Variants in QPCTL observed in about 807,000 individuals in gnomAD.
QPCTL encodes glutaminyl-peptide cyclotransferase like.
A neutral mutation model predicts 34.6 loss-of-function variants in QPCTL; 31 were observed. That is an observed-to-expected ratio of 0.90 (90% CI 0.67 to 1.21). QPCTL has a LOEUF of 1.21. Ranked by LOEUF, QPCTL falls within the 50% of genes most tolerant of loss-of-function variation. The pLI is 0.00. For missense variants in QPCTL, 474 were observed against 507.8 expected (o/e 0.93, Z 0.64); for synonymous variants, 223 against 226.9 (o/e 0.98, Z 0.15).
intron 5 of QPCTL, among the ~76,000 whole-genome samples, chr19:45,701,332 G>A (rs1967808064): frequency 6.6e-6 from 1 of 151,194 alleles, no homozygotes; most frequent in South Asian, 2.1e-4. Flanking sequence ...CTGGAGTGCA[G>A]TGGTGCAATC....
chr19:45,695,623 C>T lies in QPCTL; in HGVS notation c.538C>T (p.Pro180Ser). The change falls in exon 3 of 7, where the codon CCC (proline) becomes TCC (serine). Residue 180 changes from proline (P) to serine (S), a missense_variant. Physicochemically the swap from Pro to Ser is moderately conservative, Grantham distance 74. Coordinates refer to ENST00000012049, the MANE Select transcript of QPCTL (RefSeq NM_017659.4). ...GAAGCTCTTCCCACCCGGATCGACC[C>T]CCTTTGTAGGGGCCACGGATTCGGC... ...DSKLFPPGST[P>S]FVGATDSAVP... 1 of 1,614,080 alleles carries T rather than the reference C, an allele frequency of 6.2e-7. No individual in the cohort carries two copies. The highest frequency in any genetic ancestry group is 2.2e-5 in the East Asian group (1 of 44,866).
chr19:45,698,759 T>C (rs1231941435), intron 4 of QPCTL, 42 bp from the exon 5 acceptor site: 1 of 1,613,280 alleles, frequency 6.2e-7, no homozygotes, highest in Non-Finnish European at 8.5e-7. Context: ...AGGGCTGGCG[T>C]CATCCTGCAC....
chr19:45,698,449 T>C, intron 3 of QPCTL, 98 bp from the exon 4 acceptor site: 3 of 1,428,556 alleles, frequency 2.1e-6, no homozygotes, highest in South Asian at 1.3e-5. Flanking sequence ...ACACCTTATG[T>C]GTTCTCTTAA....
At chr19:45,701,157 C>A (rs2065294060) in intron 5 of QPCTL, among the ~76,000 whole-genome samples, 1 of 151,970 alleles carries the variant, frequency 6.6e-6, no homozygotes, top group Admixed American at 6.6e-5. Context: ...TGGGGGCATG[C>A]GCCTGAAGTC....
rs770853344 is a variant in QPCTL at position 45,692,829 on chromosome 19, G to A, written c.126G>A (p.Leu42=). The change falls in exon 1 of 7, where the codon CTG becomes CTA. Residue 42 remains leucine (L), a synonymous_variant. Transcript: ENST00000012049. ...GGCTCTTGCCTCTGTTGCTGGCGCT[G>A]GCCGTGGGCTCGGCGTTCTACACCA... The part of the protein sequence containing the change: ...RVRLLPLLLA[L]AVGSAFYTIW... 1 of 1,564,616 alleles carries A rather than the reference G, an allele frequency of 6.4e-7. No individual in the cohort carries two copies.
intron 5 of QPCTL, 131 bp downstream of exon 5, chr19:45,699,031 C>A: frequency 1.7e-4 from 55 of 331,800 alleles, no homozygotes; most frequent in Middle Eastern, 1.0e-3. Flanking sequence ...GAGACCCCAT[C>A]TTTTTTTTTT....
intron 5 of QPCTL, among the ~76,000 whole-genome samples, chr19:45,699,331 ACCC>A (rs1364229913): frequency 1.3e-5 from 2 of 149,962 alleles, no homozygotes; most frequent in African/African-American, 4.9e-5. Flanking sequence ...GTGCCTGGTG[ACCC>A]CATCTCTTAA....
chr19:45,701,094 TC>T (rs1482479561), intron 5 of QPCTL, among the ~76,000 whole-genome samples: 1 of 145,090 alleles, frequency 6.9e-6, no homozygotes, highest in African/African-American at 2.6e-5. Context: ...CACAGGAAGA[TC>T]CCATTTCTAC....
chr19:45,695,591 A>T lies in QPCTL; in HGVS notation c.506A>T (p.Tyr169Phe), dbSNP rs1039203783. The change falls in exon 3 of 7, where the codon TAT becomes TTT. Residue 169 changes from tyrosine (Y) to phenylalanine (F), a missense_variant. Transcript: ENST00000012049. ...CGTCACCTCACCCTTGCCTGCCATT[A>T]TGACTCGAAGCTCTTCCCACCCGGA... The part of the protein sequence containing the change: ...AARHLTLACH[Y>F]DSKLFPPGST... The T allele has an allele frequency of 3.7e-6, 6 of 1,613,902 alleles. No individual in the cohort carries two copies. The highest frequency in any genetic ancestry group is 5.1e-6 in the Non-Finnish European group (6 of 1,179,996).
intron 2 of QPCTL, among the ~76,000 whole-genome samples, chr19:45,694,497 G>A (rs1486375166): frequency 1.3e-5 from 2 of 148,196 alleles, no homozygotes; most frequent in African/African-American, 4.9e-5. Context: ...TTGAGATGGA[G>A]TCTCACACTG....
At position 45,703,979 on chromosome 19, in the gene QPCTL, T is replaced by A; in HGVS notation, c.*930T>A. 6.6e-6 allele frequency: 1 copy of A among 151,576 alleles called. No individual in the cohort carries two copies. The highest frequency in any genetic ancestry group is 1.5e-5 in the Non-Finnish European group (1 of 67,928). 9.4% of individuals were successfully genotyped at this position (151,576 alleles called of 1,614,324 possible). On this transcript the variant is annotated 3_prime_UTR_variant, in exon 7 of 7. Coordinates refer to ENST00000012049, the MANE Select transcript of QPCTL (RefSeq NM_017659.4). ...ATAAATAAATAAATAAATAAATATT[T>A]TTTAAAAAGAGTAAAAGACTAAAAG...
intron 1 of QPCTL, among the ~76,000 whole-genome samples, 198 bp from the exon 2 acceptor site, chr19:45,693,215 A>C (rs1197966737): frequency 6.6e-6 from 1 of 151,850 alleles, no homozygotes; most frequent in Non-Finnish European, 1.5e-5. Context: ...TTTCCCCATC[A>C]AGTTTGAGGT....
At position 45,692,670 on chromosome 19, in the gene QPCTL, CGTG is replaced by C. The variant is rs772748704; in HGVS notation, c.-31_-29del. ...AACTTGGCTGGGCCTAAACTCAATCCGTGGTCTGGTACAGGTTTCAGGGCAAAG... is the reference window on the plus strand; with the variant it reads ...AACTTGGCTGGGCCTAAACTCAATCCGTCTGGTACAGGTTTCAGGGCAAAG... On this transcript the variant is annotated 5_prime_UTR_variant, in exon 1 of 7. Coordinates refer to ENST00000012049, the MANE Select transcript of QPCTL (RefSeq NM_017659.4). 1.4e-6 allele frequency: 2 copies of C among 1,462,856 alleles called. No homozygotes were observed. Among genetic ancestry groups the C allele is most frequent in the Non-Finnish European group, 1.8e-6 (2 of 1,098,842 alleles). 90.6% of individuals were successfully genotyped at this position (1,462,856 alleles called of 1,614,324 possible). A position where few individuals can be genotyped will look rare whatever the true frequency, so the allele number is the denominator to read the frequency against.
At chr19:45,699,725 G>GT (rs769995399) in intron 5 of QPCTL, among the ~76,000 whole-genome samples, 1 of 152,006 alleles carries the variant, frequency 6.6e-6, no homozygotes, top group African/African-American at 2.4e-5. Flanking sequence ...GAGGTTAGGA[G>GT]TTTGAGACCA....
intron 5 of QPCTL, among the ~76,000 whole-genome samples, chr19:45,701,323 TG>T (rs1327805930): frequency 1.3e-5 from 2 of 151,624 alleles, no homozygotes; most frequent in African/African-American, 4.8e-5. Flanking sequence ...TCACCCAGGC[TG>T]GAGTGCAGTG....
chr19:45,695,595 C>T lies in QPCTL; in HGVS notation c.510C>T (p.Asp170=), dbSNP rs772405707. ...ARHLTLACHY[D]SKLFPPGSTP... is the part of the protein sequence containing the mutation. ...ACCTCACCCTTGCCTGCCATTATGA[C>T]TCGAAGCTCTTCCCACCCGGATCGA... Residue 170 remains aspartate (D), a synonymous_variant, in exon 3 of 7, where the codon GAC becomes GAT. Coordinates refer to ENST00000012049, the MANE Select transcript of QPCTL (RefSeq NM_017659.4). 2 of 1,614,034 alleles carry T rather than the reference C, an allele frequency of 1.2e-6. No individual in the cohort carries two copies. Among genetic ancestry groups the T allele is most frequent in the African/African-American group, 2.7e-5 (2 of 74,936 alleles).
At chr19:45,693,586 C>A in intron 2 of QPCTL, 30 bp downstream of exon 2, 1 of 1,567,660 alleles carries the variant, frequency 6.4e-7, no homozygotes, top group Non-Finnish European at 8.7e-7. Context: ...GTCCCTGACC[C>A]CCTAGCCCTC....
At chr19:45,694,780 C>T (rs944713185) in intron 2 of QPCTL, among the ~76,000 whole-genome samples, 1 of 152,038 alleles carries the variant, frequency 6.6e-6, no homozygotes, top group Non-Finnish European at 1.5e-5. Flanking sequence ...GGACTAGTTT[C>T]TTAACCTCTC....
At chr19:45,694,629 C>A (rs560688870) in intron 2 of QPCTL, among the ~76,000 whole-genome samples, 5 of 151,920 alleles carry the variant, frequency 3.3e-5, no homozygotes, top group African/African-American at 9.6e-5. Context: ...CACCACCATG[C>A]CTGGCTAATT....
Sources: gnomAD v4.1 joint callset for allele counts (sites outside exome capture counted in the v4.1 genomes callset) on GRCh38, gnomAD v4.1.1 for gene constraint, MANE v1.5 for transcripts, NCBI Gene and HGNC (gene_info 2026-07-23, HGNC 2026-07-21) for gene names.